Variants in GRIK1 observed in about 807,000 individuals in gnomAD.
The protein encoded by GRIK1 is glutamate receptor ionotropic, kainate 1.
Under a neutral mutation model 105.7 loss-of-function variants are expected in GRIK1, and 69 were observed. The ratio of observed to expected loss-of-function variants is 0.65; its 90% CI spans 0.54 to 0.80. The LOEUF is 0.80. GRIK1 is among the 30% of genes least tolerant of loss of function. GRIK1 has a pLI of 0.00. For missense variants in GRIK1, 1,109 were observed against 1,167.3 expected (o/e 0.95, Z 0.73); for synonymous variants, 438 against 431.3 (o/e 1.02, Z -0.19).
chr21:29,715,303 C>T (rs1655759465), intron 1 of GRIK1, among the ~76,000 whole-genome samples: 1 of 152,158 alleles, frequency 6.6e-6, no homozygotes, highest in East Asian at 1.9e-4. Context: ...CTATCATAAT[C>T]TGCTGACGCA....
intron 1 of GRIK1, among the ~76,000 whole-genome samples, chr21:29,866,149 C>T (rs1266799660): frequency 6.6e-6 from 1 of 152,114 alleles, no homozygotes; most frequent in East Asian, 1.9e-4. Context: ...TCACTATAAC[C>T]TCAACCTCCC....
intron 7 of GRIK1, among the ~76,000 whole-genome samples, chr21:29,612,130 G>A (rs1397535961): frequency 6.6e-6 from 1 of 152,150 alleles, no homozygotes; most frequent in Non-Finnish European, 1.5e-5. Flanking sequence ...CTTTGCAAGG[G>A]GTCTCAGGCC....
At chr21:29,772,588 C>T (rs1352510964) in intron 1 of GRIK1, among the ~76,000 whole-genome samples, 1 of 152,004 alleles carries the variant, frequency 6.6e-6, no homozygotes. Flanking sequence ...TATTTGTCAT[C>T]CCCCCCACCC....
intron 1 of GRIK1, among the ~76,000 whole-genome samples, chr21:29,906,372 T>G (rs911904749): frequency 6.6e-6 from 1 of 152,194 alleles, no homozygotes; most frequent in Non-Finnish European, 1.5e-5. Context: ...ATTTTTAAGG[T>G]ACAATCTAAG....
At chr21:29,854,773 C>A (rs1360430755) in intron 1 of GRIK1, among the ~76,000 whole-genome samples, 1 of 152,146 alleles carries the variant, frequency 6.6e-6, no homozygotes. Flanking sequence ...TTGTCTTCCC[C>A]AGCAAGGCCC....
intron 1 of GRIK1, among the ~76,000 whole-genome samples, chr21:29,768,758 T>A (rs1471214114): frequency 1.3e-5 from 2 of 152,136 alleles, no homozygotes; most frequent in Non-Finnish European, 2.9e-5. Context: ...AAAACCAGAT[T>A]TGAGCTCGTT....
At position 29,896,581 on chromosome 21, in the gene GRIK1, A is replaced by G. The variant is rs546854166; in HGVS notation, c.118+42802T>C. Reference sequence around the variant, plus strand: ...TATACATTGCTTATCACAGTATCTGACATATAACACATATCTGTCACATAG... The same window carrying G: ...TATACATTGCTTATCACAGTATCTGGCATATAACACATATCTGTCACATAG... On this transcript the variant is annotated intron_variant, in intron 1 of 17. Coordinates refer to ENST00000327783, the MANE Select transcript of GRIK1 (RefSeq NM_001330994.2). 9.2e-5 allele frequency among the ~76,000 whole-genome samples: 14 copies of G among 152,328 alleles called. No homozygotes were observed. The East Asian group carries it at 2.7e-3, about 29-fold the overall frequency.
chr21:29,713,682 G>T (rs957120088), intron 1 of GRIK1, among the ~76,000 whole-genome samples: 1 of 152,162 alleles, frequency 6.6e-6, no homozygotes, highest in East Asian at 1.9e-4. Flanking sequence ...TTTAAGCTTG[G>T]CTATGAAGGA....
At chr21:29,892,262 C>T (rs2069929358) in intron 1 of GRIK1, among the ~76,000 whole-genome samples, 1 of 152,130 alleles carries the variant, frequency 6.6e-6, no homozygotes, top group Non-Finnish European at 1.5e-5. Flanking sequence ...GAGGAAGTGA[C>T]TTTGAGTAGT....
At chr21:29,832,305 G>A (rs437235) in intron 1 of GRIK1, among the ~76,000 whole-genome samples, 52,703 of 151,840 alleles carry the variant, frequency 0.35, 11,121 homozygotes, top group East Asian at 0.67. Context: ...GAGGTCTGGA[G>A]GACAGTGGCC....
At chr21:29,668,168 C>T (rs1782528141) in intron 4 of GRIK1, among the ~76,000 whole-genome samples, 2 of 152,104 alleles carry the variant, frequency 1.3e-5, no homozygotes, top group Non-Finnish European at 1.5e-5. Flanking sequence ...GTAGTAGGTG[C>T]TAGGGATTTG....
At chr21:29,596,377 C>A (rs1249501772) in intron 9 of GRIK1, 149 bp downstream of exon 9, 1 of 760,314 alleles carries the variant, frequency 1.3e-6, no homozygotes, top group South Asian at 1.4e-5. Context: ...ATAACATATT[C>A]AATCACTCCT....
chr21:29,635,263 T>C (rs997027581), intron 7 of GRIK1, among the ~76,000 whole-genome samples: 2 of 152,136 alleles, frequency 1.3e-5, no homozygotes, highest in Non-Finnish European at 2.9e-5. Flanking sequence ...GTGTTCCCAA[T>C]ACATAAGTAT....
At chr21:29,668,472 A>G (rs145523851) in intron 4 of GRIK1, among the ~76,000 whole-genome samples, 154 of 152,342 alleles carry the variant, frequency 1.0e-3, no homozygotes, top group African/African-American at 3.5e-3. Flanking sequence ...TCACGTGGCC[A>G]GAAAGGATGC....
chr21:29,803,746 T>G (rs1179671609), intron 1 of GRIK1, among the ~76,000 whole-genome samples: 3 of 141,684 alleles, frequency 2.1e-5, no homozygotes, highest in African/African-American at 7.5e-5. Context: ...AAAAAATATG[T>G]TTTTTTTTCC....
intron 8 of GRIK1, among the ~76,000 whole-genome samples, chr21:29,597,350 G>A (rs2061435093): frequency 6.6e-6 from 1 of 152,198 alleles, no homozygotes; most frequent in Non-Finnish European, 1.5e-5. Context: ...ATATTACGGT[G>A]TATAGATAGC....
At chr21:29,853,239 A>G (rs1488213976) in intron 1 of GRIK1, among the ~76,000 whole-genome samples, 2 of 152,224 alleles carry the variant, frequency 1.3e-5, no homozygotes, top group African/African-American at 4.8e-5. Flanking sequence ...CTTGAAAGAA[A>G]AGTCTTAACA....
chr21:29,837,564 G>T (rs1198469758), intron 1 of GRIK1, among the ~76,000 whole-genome samples: 1 of 152,172 alleles, frequency 6.6e-6, no homozygotes, highest in Middle Eastern at 3.2e-3. Context: ...GCAAAGAGAA[G>T]TCTGGGAAAC....
At chr21:29,880,201 T>A (rs1182812347) in intron 1 of GRIK1, among the ~76,000 whole-genome samples, 2 of 152,162 alleles carry the variant, frequency 1.3e-5, no homozygotes, top group Admixed American at 1.3e-4. Flanking sequence ...GTACCATTTA[T>A]ATCCCTTAAG....
Sources: allele counts gnomAD v4.1 joint callset (sites outside exome capture counted in the v4.1 genomes callset), GRCh38; gene constraint gnomAD v4.1.1; transcripts MANE v1.5; gene names NCBI Gene and HGNC (gene_info 2026-07-23, HGNC 2026-07-21).